The following CCDC102B variants were observed in gnomAD, a reference collection of about 807,000 sequenced individuals.
CCDC102B encodes coiled-coil domain containing 102B, also known as coiled-coil domain-containing protein 102B.
CCDC102B carries 75 observed loss-of-function variants against 57.4 expected under a neutral mutation model. The observed-to-expected ratio is 1.31, with a 90% CI of 1.08 to 1.58. CCDC102B has a LOEUF of 1.58. CCDC102B is among the 40% of genes most tolerant of loss of function. The probability of loss-of-function intolerance (pLI) is 0.00; values close to 1 mark genes in which losing one functional copy is unlikely to be tolerated. For synonymous variants in CCDC102B, 206 were observed against 201.9 expected, an observed-to-expected ratio of 1.02 and a Z score of -0.17; for missense variants, 636 against 582.6, an observed-to-expected ratio of 1.09 and a Z score of -0.94.
At chr18:69,031,615 A>G (rs1276582748) in intron 7 of CCDC102B, among the ~76,000 whole-genome samples, 1 of 151,942 alleles carries the variant, frequency 6.6e-6, no homozygotes, top group Non-Finnish European at 1.5e-5. Flanking sequence ...ATTTGTTACT[A>G]ATTTGTTTTT....
At chr18:68,953,609 G>A (rs1218179569) in intron 6 of CCDC102B, among the ~76,000 whole-genome samples, 2 of 151,418 alleles carry the variant, frequency 1.3e-5, no homozygotes, top group East Asian at 1.9e-4. Flanking sequence ...CTCTTTCAAT[G>A]AGTATAAAGT....
chr18:68,842,400 G>A (rs954483769), intron 3 of CCDC102B, among the ~76,000 whole-genome samples: 7 of 151,954 alleles, frequency 4.6e-5, no homozygotes, highest in African/African-American at 1.7e-4. Flanking sequence ...TGACTCTCCA[G>A]TGTCTATTTT....
At chr18:68,913,085 A>G (rs1338874640) in intron 6 of CCDC102B, among the ~76,000 whole-genome samples, 2 of 151,916 alleles carry the variant, frequency 1.3e-5, no homozygotes, top group East Asian at 1.9e-4. Flanking sequence ...GATATTTTTC[A>G]TTTCCTATTT....
intron 6 of CCDC102B, among the ~76,000 whole-genome samples, chr18:69,006,392 G>GATTTATTT (rs71931343): frequency 6.3e-5 from 9 of 141,854 alleles, no homozygotes; most frequent in Admixed American, 1.4e-4. Flanking sequence ...ATAGCTTTGA[G>GATTTATTT]ATTTATTTAT....
chr18:68,765,329 G>GAAAT (rs1263451263), intron 2 of CCDC102B, among the ~76,000 whole-genome samples: 3 of 60,016 alleles, frequency 5.0e-5, no homozygotes, highest in Non-Finnish European at 7.1e-5. Context: ...AGGAAGGAAA[G>GAAAT]AAAGAAAGAA....
intron 1 of CCDC102B, among the ~76,000 whole-genome samples, chr18:68,815,673 T>TAC (rs1297745318): frequency 2.1e-5 from 1 of 48,750 alleles, no homozygotes; most frequent in African/African-American, 9.3e-5. Flanking sequence ...CACCTCCATT[T>TAC]ACATACACAC....
chr18:68,908,102 T>TTGAA (rs369925302), intron 6 of CCDC102B: 2 of 152,342 alleles, frequency 1.3e-5, no homozygotes, highest in Non-Finnish European at 2.9e-5. Flanking sequence ...TTTTATTGTG[T>TTGAA]TGAACTACTC....
At chr18:68,915,372 C>G (rs1200528170) in intron 6 of CCDC102B, among the ~76,000 whole-genome samples, 1 of 152,170 alleles carries the variant, frequency 6.6e-6, no homozygotes, top group Admixed American at 6.5e-5. Flanking sequence ...AATTAATTAT[C>G]CTACCTTGCC....
chr18:68,891,867 G>A (rs969183260), intron 5 of CCDC102B, among the ~76,000 whole-genome samples: 1 of 151,990 alleles, frequency 6.6e-6, no homozygotes. Flanking sequence ...ATCACACTGG[G>A]GATAAGACTT....
chr18:68,810,327 A>G (rs976632341), intron 1 of CCDC102B, among the ~76,000 whole-genome samples: 4 of 152,210 alleles, frequency 2.6e-5, no homozygotes, highest in Non-Finnish European at 5.9e-5. Context: ...CATATAATGT[A>G]CAGTCATTTG....
At chr18:68,954,474 T>G (rs1435690507) in intron 6 of CCDC102B, among the ~76,000 whole-genome samples, 1 of 152,192 alleles carries the variant, frequency 6.6e-6, no homozygotes, top group Non-Finnish European at 1.5e-5. Context: ...TTCTGAGATC[T>G]ATTACATGAT....
rs552206443 is a variant in CCDC102B, at chr18:69,026,975, A to G, written c.1434+15871A>G. Among the ~76,000 whole-genome samples the G allele has an allele frequency of 3.3e-5, 5 of 152,342 alleles. No homozygotes were observed. The South Asian group carries it at 1.0e-3, about 32-fold the overall frequency. ...ACCCAGCCTGTTGGTAAAGTTGGAA[A>G]AATGACTCAGTCTTTCTGTTCCTCC... On this transcript the variant is annotated intron_variant, in intron 7 of 7. Coordinates refer to ENST00000360242, the MANE Select transcript of CCDC102B (RefSeq NM_024781.3).
At chr18:69,008,465 G>T (rs1210527191) in intron 6 of CCDC102B, among the ~76,000 whole-genome samples, 1 of 151,058 alleles carries the variant, frequency 6.6e-6, no homozygotes, top group Non-Finnish European at 1.5e-5. Flanking sequence ...CATCATTAAG[G>T]TTTAAATATC....
intron 3 of CCDC102B, among the ~76,000 whole-genome samples, chr18:68,841,247 G>A (rs1482110211): frequency 6.6e-6 from 1 of 152,046 alleles, no homozygotes; most frequent in African/African-American, 2.4e-5. Flanking sequence ...CCATCTAGTG[G>A]GAAAATTCTC....
intron 5 of CCDC102B, among the ~76,000 whole-genome samples, chr18:68,895,973 A>C (rs2040228207): frequency 6.6e-6 from 1 of 151,934 alleles, no homozygotes; most frequent in South Asian, 2.1e-4. Flanking sequence ...TTCTCCTTTA[A>C]GTGTTACATT....
chr18:68,925,789 C>T, intron 6 of CCDC102B, among the ~76,000 whole-genome samples: 1 of 151,854 alleles, frequency 6.6e-6, no homozygotes, highest in Non-Finnish European at 1.5e-5. Context: ...GATGATTCTG[C>T]CTGATGAATC....
intron 7 of CCDC102B, among the ~76,000 whole-genome samples, chr18:69,017,114 T>G (rs1208577448): frequency 6.6e-6 from 1 of 152,124 alleles, no homozygotes; most frequent in Non-Finnish European, 1.5e-5. Flanking sequence ...AATTATTTAT[T>G]TACTTATTTG....
chr18:68,880,126 C>T (rs544371570), intron 5 of CCDC102B, among the ~76,000 whole-genome samples: 47 of 152,324 alleles, frequency 3.1e-4, no homozygotes, highest in East Asian at 5.8e-4. Context: ...GGCTGCAGGT[C>T]CCGAGCCCTG....
At chr18:68,885,409 G>A (rs2039848611) in intron 5 of CCDC102B, among the ~76,000 whole-genome samples, 1 of 151,912 alleles carries the variant, frequency 6.6e-6, no homozygotes, top group African/African-American at 2.4e-5. Context: ...CCAATAAGTA[G>A]CATAATAATA....
Sources: allele counts gnomAD v4.1 joint callset (sites outside exome capture counted in the v4.1 genomes callset), GRCh38; gene constraint gnomAD v4.1.1; transcripts MANE v1.5; gene names NCBI Gene and HGNC (gene_info 2026-07-23, HGNC 2026-07-21).